The following MMP26 variants were observed in gnomAD, a reference collection of about 807,000 sequenced individuals.
MMP26 encodes the protein matrix metallopeptidase 26.
In MMP26, 33 loss-of-function variants were observed where a neutral mutation model predicts 31.0. That is an observed-to-expected ratio of 1.06 (90% CI 0.81 to 1.42). The LOEUF (loss-of-function observed/expected upper bound fraction) is 1.42, where lower values mean the gene tolerates loss of function less well. Among genes scored for constraint, MMP26 ranks in the 40% most tolerant of loss-of-function variants. The pLI is 0.00. For missense variants in MMP26, 347 were observed against 316.1 expected, an observed-to-expected ratio of 1.10 and a Z score of -0.74; for synonymous variants, 122 against 114.9, an observed-to-expected ratio of 1.06 and a Z score of -0.40.
At chr11:4,821,494 A>G in intron 2 of MMP26, 1 of 1,612,392 alleles carries the variant, frequency 6.2e-7, no homozygotes, top group Non-Finnish European at 8.5e-7. Flanking sequence ...CCTGAAAGCC[A>G]CCCAGTACTG....
chr11:4,988,905 C>A (rs1454331321), intron 3 of MMP26, among the ~76,000 whole-genome samples: 2 of 151,990 alleles, frequency 1.3e-5, no homozygotes, highest in Non-Finnish European at 2.9e-5. Context: ...GTGCCCAGCT[C>A]AGCTGATAAT....
At chr11:4,784,430 G>C (rs1848907372) in intron 2 of MMP26, among the ~76,000 whole-genome samples, 1 of 152,186 alleles carries the variant, frequency 6.6e-6, no homozygotes, top group Non-Finnish European at 1.5e-5. Flanking sequence ...GTTTGGAAAA[G>C]GGGTCTTTGC....
intron 2 of MMP26, among the ~76,000 whole-genome samples, chr11:4,855,727 C>T (rs1015893830): frequency 1.3e-5 from 2 of 152,086 alleles, no homozygotes; most frequent in Admixed American, 6.6e-5. Context: ...GAGAACGCCA[C>T]AATGATACTC....
chr11:4,853,472 C>T (rs966785399), intron 2 of MMP26, among the ~76,000 whole-genome samples: 4 of 151,944 alleles, frequency 2.6e-5, no homozygotes, highest in Admixed American at 2.0e-4. Context: ...CCTTAGCAAG[C>T]CTTAAAGAGA....
chr11:4,940,526 A>T (rs572823415), intron 2 of MMP26, among the ~76,000 whole-genome samples: 1 of 152,340 alleles, frequency 6.6e-6, no homozygotes, highest in East Asian at 1.9e-4. Context: ...CTATAAAATC[A>T]GTGATAATAA....
At chr11:4,808,401 C>T (rs1016366775) in intron 2 of MMP26, among the ~76,000 whole-genome samples, 1 of 152,114 alleles carries the variant, frequency 6.6e-6, no homozygotes, top group African/African-American at 2.4e-5. Flanking sequence ...AACTTGGACC[C>T]AGGATCCCTG....
At chr11:4,822,151 A>G in intron 2 of MMP26, 1 of 1,613,324 alleles carries the variant, frequency 6.2e-7, no homozygotes, top group South Asian at 1.1e-5. Flanking sequence ...CAACACCTGC[A>G]CATCCCACAT....
At chr11:4,938,997 T>C (rs1402730157) in intron 2 of MMP26, among the ~76,000 whole-genome samples, 3 of 152,172 alleles carry the variant, frequency 2.0e-5, no homozygotes, top group Non-Finnish European at 2.9e-5. Context: ...ATCTACTTCA[T>C]GGTGGAATAC....
At chr11:4,926,845 A>G (rs939877476) in intron 2 of MMP26, among the ~76,000 whole-genome samples, 6 of 152,258 alleles carry the variant, frequency 3.9e-5, no homozygotes, top group Non-Finnish European at 4.4e-5. Flanking sequence ...CAAGCCTAGC[A>G]CAGATTTGGA....
At chr11:4,977,065 A>T (rs958943312) in intron 2 of MMP26, among the ~76,000 whole-genome samples, 3 of 151,472 alleles carry the variant, frequency 2.0e-5, no homozygotes, top group African/African-American at 7.3e-5. Context: ...TTTAAATTTT[A>T]TCTATTAGTC....
chr11:4,908,183 G>A, intron 2 of MMP26: 2 of 1,614,178 alleles, frequency 1.2e-6, no homozygotes, highest in Non-Finnish European at 1.7e-6. Flanking sequence ...CCCTCTTGTT[G>A]TGATCCTTAT....
intron 2 of MMP26, among the ~76,000 whole-genome samples, chr11:4,768,164 G>T (rs1011527694): frequency 6.6e-6 from 1 of 152,174 alleles, no homozygotes; most frequent in Admixed American, 6.5e-5. Flanking sequence ...GGACCACAAT[G>T]CAGAAAAAGG....
At chr11:4,719,703 C>A (rs1380352560) in intron 1 of MMP26, 1 of 152,184 alleles carries the variant, frequency 6.6e-6, no homozygotes, top group Non-Finnish European at 1.5e-5. Flanking sequence ...AGACTGTGAA[C>A]TCAGAGAGAT....
chr11:4,957,522 C>A (rs1315711896), intron 2 of MMP26, among the ~76,000 whole-genome samples: 1 of 151,986 alleles, frequency 6.6e-6, no homozygotes, highest in Non-Finnish European at 1.5e-5. Context: ...TCGTCCTTTC[C>A]CCCGATGAGA....
intron 2 of MMP26, among the ~76,000 whole-genome samples, chr11:4,968,536 T>TTAC (rs199810605): frequency 0.12 from 15,737 of 131,110 alleles, 1,578 homozygotes; most frequent in East Asian, 0.33. Flanking sequence ...TAAATAATTA[T>TTAC]TTTCTTAAAA....
intron 2 of MMP26, among the ~76,000 whole-genome samples, chr11:4,963,353 T>C (rs112862371): frequency 0.042 from 6,444 of 152,202 alleles, 455 homozygotes; most frequent in African/African-American, 0.15. Context: ...CAAGCTACCA[T>C]TGACTTTCTT....
At chr11:4,732,943 T>C (rs1487889565) in intron 1 of MMP26, among the ~76,000 whole-genome samples, 1 of 152,226 alleles carries the variant, frequency 6.6e-6, no homozygotes, top group Admixed American at 6.5e-5. Flanking sequence ...GACACCCTGG[T>C]TAAAAATTAG....
At position 4,804,493 on chromosome 11, in the gene MMP26, C is replaced by A. The variant is rs767317421; in HGVS notation, c.-145+37152C>A. On this transcript the variant is annotated intron_variant, in intron 2 of 7. Coordinates refer to ENST00000380390, the MANE Select transcript of MMP26 (RefSeq NM_021801.5). ...GCTTTTGGATGGGACTATTGGATAC[C>A]AGGGTGATTGGGTTTGATTATAAAC... 3.6e-6 allele frequency: 3 copies of A among 835,146 alleles called. No homozygotes were observed. In the East Asian group the frequency reaches 7.2e-5, roughly 20 times the overall value. The allele number at this position is 835,146 out of a possible 1,614,324, so 51.7% of individuals were successfully genotyped here. A position where few individuals can be genotyped will look rare whatever the true frequency, so the allele number is the denominator to read the frequency against.
chr11:4,974,937 C>T (rs1213703713), intron 2 of MMP26, among the ~76,000 whole-genome samples: 2 of 151,872 alleles, frequency 1.3e-5, no homozygotes, highest in Admixed American at 6.6e-5. Context: ...AGGAACAACA[C>T]ACACTGGGGC....
Sources: gnomAD v4.1 joint callset for allele counts (sites outside exome capture counted in the v4.1 genomes callset) on GRCh38, gnomAD v4.1.1 for gene constraint, MANE v1.5 for transcripts, NCBI Gene and HGNC (gene_info 2026-07-23, HGNC 2026-07-21) for gene names.